ARFGAP3: variants seen among roughly 807,000 people sequenced by gnomAD.
ARFGAP3 encodes the protein ADP-ribosylation factor GTPase-activating protein 3.
ARFGAP3 carries 72 observed loss-of-function variants against 75.0 expected under a neutral mutation model. That is an observed-to-expected ratio of 0.96 (90% CI 0.79 to 1.17). The LOEUF (loss-of-function observed/expected upper bound fraction) is 1.17. Ranked by LOEUF, ARFGAP3 falls within the 50% of genes most tolerant of loss-of-function variation. The pLI is 0.00. For missense variants in ARFGAP3, 620 were observed against 626.6 expected (o/e 0.99, Z 0.11); for synonymous variants, 221 against 217.9 (o/e 1.01, Z -0.13).
chr22:42,806,445 T>G (rs1354750350), intron 14 of ARFGAP3, among the ~76,000 whole-genome samples: 1 of 152,256 alleles, frequency 6.6e-6, no homozygotes, highest in Non-Finnish European at 1.5e-5. Context: ...CGCTGGGGTC[T>G]GAACCCTGAA....
intron 14 of ARFGAP3, among the ~76,000 whole-genome samples, chr22:42,802,644 C>G (rs896677144): frequency 1.4e-5 from 2 of 143,756 alleles, no homozygotes; most frequent in Admixed American, 7.0e-5. Flanking sequence ...CTCTGTTGCC[C>G]AGGCTGGAGT....
chr22:42,816,920 T>C (rs531320172), intron 11 of ARFGAP3, among the ~76,000 whole-genome samples: 2 of 152,226 alleles, frequency 1.3e-5, no homozygotes, highest in Non-Finnish European at 2.9e-5. Flanking sequence ...TAACTCACAG[T>C]TGCTGATTTT....
chr22:42,852,569 C>T (rs1247431811), intron 1 of ARFGAP3, among the ~76,000 whole-genome samples: 6 of 152,180 alleles, frequency 3.9e-5, no homozygotes, highest in African/African-American at 1.2e-4. Context: ...CCATGTTGCC[C>T]AGGCTGGTCT....
rs545879338 is a variant in ARFGAP3, at chr22:42,811,044, T to C, written c.1065-100A>G. 3.3e-6 allele frequency: 5 copies of C among 1,512,214 alleles called. No homozygotes were observed. In the South Asian group the frequency reaches 5.3e-5, roughly 16 times the overall value. The allele number at this position is 1,512,214 out of a possible 1,614,324, so 93.7% of individuals were successfully genotyped here. On this transcript the variant is annotated intron_variant, in intron 11 of 15. Coordinates refer to ENST00000263245, the MANE Select transcript of ARFGAP3 (RefSeq NM_014570.5). Reference sequence around the variant, plus strand: ...GATGTGGGGGATGCCTCCTTGAAGTTAATGGCAGTCACATAACTAGGTCTA... The same window carrying C: ...GATGTGGGGGATGCCTCCTTGAAGTCAATGGCAGTCACATAACTAGGTCTA...
At chr22:42,820,350 T>C (rs186639602) in intron 9 of ARFGAP3, among the ~76,000 whole-genome samples, 1 of 142,664 alleles carries the variant, frequency 7.0e-6, no homozygotes, top group East Asian at 1.9e-4. Flanking sequence ...TCGACCTAAA[T>C]ACAGTTCAGT....
In ARFGAP3 at chr22:42,856,194, T is replaced by C. The variant is rs544492340; in HGVS notation, c.69+920A>G. ...TTCCTCACCTAGGCTGGAAAAAATA[T>C]GGGCTCCCCTGTACCATCAAGACTT... On this transcript the variant is annotated intron_variant, in intron 1 of 15. Coordinates refer to ENST00000263245, the MANE Select transcript of ARFGAP3 (RefSeq NM_014570.5). Among the ~76,000 whole-genome samples, 7 of 152,308 alleles carry C rather than the reference T, an allele frequency of 4.6e-5. No homozygotes were observed. The South Asian group carries it at 6.2e-4, about 14-fold the overall frequency.
intron 14 of ARFGAP3, among the ~76,000 whole-genome samples, chr22:42,803,082 A>G (rs548843948): frequency 6.0e-4 from 91 of 152,274 alleles, no homozygotes; most frequent in African/African-American, 2.1e-3. Flanking sequence ...TGCAGCCTCA[A>G]TCTTTTGGGT....
At chr22:42,800,076 C>T (rs1213402655) in intron 14 of ARFGAP3, among the ~76,000 whole-genome samples, 2 of 152,204 alleles carry the variant, frequency 1.3e-5, no homozygotes, top group African/African-American at 4.8e-5. Context: ...GGTCTGACCA[C>T]ACTCCTAGAG....
At chr22:42,827,449 C>T (rs1048624915) in intron 6 of ARFGAP3, among the ~76,000 whole-genome samples, 2 of 152,170 alleles carry the variant, frequency 1.3e-5, no homozygotes, top group Non-Finnish European at 2.9e-5. Flanking sequence ...TCACTGCAAC[C>T]TTCGCCTCCC....
At chr22:42,811,071 C>A (rs1426704320) in intron 11 of ARFGAP3, 127 bp from the exon 12 acceptor site, 12 of 1,422,136 alleles carry the variant, frequency 8.4e-6, no homozygotes, top group Non-Finnish European at 1.1e-5. Context: ...CTAGGTCTAG[C>A]CAATGAGACA....
chr22:42,804,625 C>A (rs1428714861), intron 14 of ARFGAP3, among the ~76,000 whole-genome samples: 2 of 152,076 alleles, frequency 1.3e-5, no homozygotes, highest in Admixed American at 6.6e-5. Flanking sequence ...CGTGATCCAC[C>A]CGCCTCGGCC....
chr22:42,814,182 T>C (rs1014483799), intron 11 of ARFGAP3, among the ~76,000 whole-genome samples: 1 of 152,240 alleles, frequency 6.6e-6, no homozygotes, highest in African/African-American at 2.4e-5. Flanking sequence ...TTTTATCTTA[T>C]TTTTAACAGA....
rs112907404 is a variant in ARFGAP3, at chr22:42,822,248, A to G, written c.812+22T>C. 5,252 of 1,585,598 alleles carry G rather than the reference A, an allele frequency of 3.3e-3. 159 individuals are homozygous for G. The African/African-American group carries it at 0.061, about 19-fold the overall frequency. On this transcript the variant is annotated intron_variant, in intron 9 of 15. Coordinates refer to ENST00000263245, the MANE Select transcript of ARFGAP3 (RefSeq NM_014570.5). Reference sequence around the variant, plus strand: ...TAGTTTTATTCCCTGAAAATGTATTAATATAATGAAATTAAACTTACATTG... The same window carrying G: ...TAGTTTTATTCCCTGAAAATGTATTGATATAATGAAATTAAACTTACATTG...
chr22:42,807,254 G>GTCA, intron 13 of ARFGAP3, 91 bp from the exon 14 acceptor site: 4 of 1,488,232 alleles, frequency 2.7e-6, no homozygotes, highest in Non-Finnish European at 3.6e-6. Context: ...ATTTGAAAGT[G>GTCA]TTTGACCCCC....
At chr22:42,808,707 C>G (rs1925232944) in intron 13 of ARFGAP3, 60 bp downstream of exon 13, 1 of 1,411,726 alleles carries the variant, frequency 7.1e-7, no homozygotes, top group African/African-American at 1.4e-5. Context: ...CCGACAATGC[C>G]CACACCCACA....
At chr22:42,851,397 C>T (rs567208768) in intron 1 of ARFGAP3, among the ~76,000 whole-genome samples, 2 of 152,334 alleles carry the variant, frequency 1.3e-5, no homozygotes, top group Admixed American at 1.3e-4. Flanking sequence ...AGGCAGGCAG[C>T]TTTGGCATCC....
At chr22:42,832,392 G>A (rs905959594) in intron 5 of ARFGAP3, among the ~76,000 whole-genome samples, 6 of 151,736 alleles carry the variant, frequency 4.0e-5, no homozygotes, top group East Asian at 1.9e-4. Flanking sequence ...TTAGCCAGGC[G>A]TGGTGGTGTG....
intron 2 of ARFGAP3, among the ~76,000 whole-genome samples, chr22:42,845,791 A>G (rs1339789749): frequency 1.3e-5 from 2 of 151,884 alleles, no homozygotes; most frequent in Non-Finnish European, 2.9e-5. Context: ...CGTAATCCCA[A>G]CACTTTGGGA....
In ARFGAP3 at chr22:42,847,635, GA is replaced by G; in HGVS notation, c.70-4del. On this transcript the variant is annotated splice_polypyrimidine_tract_variant and splice_region_variant and intron_variant, in intron 1 of 15. Coordinates refer to ENST00000263245, the MANE Select transcript of ARFGAP3 (RefSeq NM_014570.5). ...TTGGCACCACAATCAAAACACACCT[GA>G]AAAAAAATGTTAAATTCAGTTACTA... The G allele has an allele frequency of 8.8e-6, 14 of 1,598,526 alleles. No homozygotes were observed. The highest frequency in any genetic ancestry group is 1.8e-5 in the Admixed American group (1 of 56,444).
Sources: gnomAD v4.1 joint callset for allele counts (sites outside exome capture counted in the v4.1 genomes callset) on GRCh38, gnomAD v4.1.1 for gene constraint, MANE v1.5 for transcripts, NCBI Gene and HGNC (gene_info 2026-07-23, HGNC 2026-07-21) for gene names.